The following SLC41A2 variants were observed in gnomAD, a reference collection of about 807,000 sequenced individuals.
SLC41A2 encodes the protein solute carrier family 41 member 2, also known as SLC41A1-like 1.
In SLC41A2, 32 loss-of-function variants were observed where a neutral mutation model predicts 58.3. The observed-to-expected ratio is 0.55, with a 90% CI of 0.41 to 0.74. The LOEUF (loss-of-function observed/expected upper bound fraction) is 0.74. Among genes scored for constraint, SLC41A2 ranks in the 30% least tolerant of loss-of-function variants. SLC41A2 has a pLI of 0.00. For missense variants in SLC41A2, 514 were observed against 680.6 expected (o/e 0.76, Z 2.72); for synonymous variants, 190 against 235.0 (o/e 0.81, Z 1.75).
intron 6 of SLC41A2, among the ~76,000 whole-genome samples, chr12:104,877,349 G>GAAAT (rs1467318355): frequency 5.9e-5 from 9 of 152,200 alleles, no homozygotes; most frequent in East Asian, 5.8e-4. Flanking sequence ...AGACACTTTA[G>GAAAT]AAATACCTTT....
chr12:104,877,598 T>C (rs2044112953), intron 6 of SLC41A2, among the ~76,000 whole-genome samples: 1 of 152,232 alleles, frequency 6.6e-6, no homozygotes, highest in Non-Finnish European at 1.5e-5. Flanking sequence ...CCAGTCAAAT[T>C]ATGTATGCAT....
In SLC41A2 at chr12:104,886,438, T is replaced by C; in HGVS notation, c.882A>G (p.Gly294=). 2 of 1,611,506 alleles carry C rather than the reference T, an allele frequency of 1.2e-6. No individual in the cohort carries two copies. Among genetic ancestry groups the C allele is most frequent in the South Asian group, 2.2e-5 (2 of 90,826 alleles). The change falls in exon 6 of 11, where the codon GGA becomes GGG. Residue 294 remains glycine, a splice_region_variant and synonymous_variant. Coordinates refer to ENST00000258538, the MANE Select transcript of SLC41A2 (RefSeq NM_001352171.3). Reference sequence around the variant, plus strand: ...CAACGATAACCCCAACCATTATTATTCCTAGAAGAAAGAATGTTCATTACT... The same window carrying C: ...CAACGATAACCCCAACCATTATTATCCCTAGAAGAAAGAATGTTCATTACT... ...ATAFIASLLQ[G]IIMVGVIVGS... is the part of the protein sequence containing the mutation.
chr12:104,817,313 A>T (rs961424990), intron 10 of SLC41A2, among the ~76,000 whole-genome samples: 1 of 152,220 alleles, frequency 6.6e-6, no homozygotes, highest in Non-Finnish European at 1.5e-5. Flanking sequence ...GTGAATGAGT[A>T]GTAAGTGAAT....
At chr12:104,821,212 G>T (rs2453169) in intron 10 of SLC41A2, among the ~76,000 whole-genome samples, 76,849 of 151,798 alleles carry the variant, frequency 0.51, 20,264 homozygotes, top group Middle Eastern at 0.6. Context: ...TACATATATA[G>T]AGAGAGAGTT....
intron 1 of SLC41A2, among the ~76,000 whole-genome samples, chr12:104,938,611 CTTCAG>C (rs771760602): frequency 1.3e-5 from 2 of 152,212 alleles, no homozygotes; most frequent in Non-Finnish European, 2.9e-5. Flanking sequence ...GTTGCTGCTT[CTTCAG>C]ACTGGGTCCC....
At chr12:104,888,936 T>C in intron 5 of SLC41A2, 97 bp downstream of exon 5, 1 of 1,248,934 alleles carries the variant, frequency 8.0e-7, no homozygotes, top group Non-Finnish European at 1.1e-6. Flanking sequence ...TTCTGTTGTT[T>C]TCATAACAGG....
At chr12:104,878,107 C>T (rs1027697428) in intron 6 of SLC41A2, among the ~76,000 whole-genome samples, 2 of 151,802 alleles carry the variant, frequency 1.3e-5, no homozygotes, top group African/African-American at 4.8e-5. Flanking sequence ...TCTCATAGTA[C>T]TTAATTCTGT....
At chr12:104,868,145 T>G (rs183540970) in intron 6 of SLC41A2, among the ~76,000 whole-genome samples, 1 of 152,266 alleles carries the variant, frequency 6.6e-6, no homozygotes, top group Admixed American at 6.5e-5. Context: ...AAAAAACCTT[T>G]TATTTGTTGA....
chr12:104,855,330 T>C (rs1565844236), intron 8 of SLC41A2, among the ~76,000 whole-genome samples: 1 of 152,220 alleles, frequency 6.6e-6, no homozygotes, highest in South Asian at 2.1e-4. Flanking sequence ...ATCTTTAGAT[T>C]TGTAGTGCCC....
intron 2 of SLC41A2, 119 bp from the exon 3 acceptor site, chr12:104,909,881 A>C (rs566915153): frequency 1.6e-6 from 1 of 627,242 alleles, no homozygotes; most frequent in East Asian, 2.9e-5. Context: ...TTGAATAACC[A>C]CACAGTTCAT....
At chr12:104,892,102 C>T (rs1220303561) in intron 4 of SLC41A2, among the ~76,000 whole-genome samples, 2 of 151,894 alleles carry the variant, frequency 1.3e-5, no homozygotes, top group African/African-American at 4.8e-5. Flanking sequence ...GAGCTTGAGA[C>T]CAGCCTGGCT....
intron 1 of SLC41A2, among the ~76,000 whole-genome samples, chr12:104,929,331 T>C (rs965554862): frequency 6.6e-5 from 10 of 152,334 alleles, no homozygotes; most frequent in African/African-American, 2.4e-4. Context: ...TTTAGGAATA[T>C]AAACCTTCTT....
chr12:104,912,080 G>A (rs2046112384), intron 2 of SLC41A2, among the ~76,000 whole-genome samples: 1 of 152,112 alleles, frequency 6.6e-6, no homozygotes, highest in South Asian at 2.1e-4. Flanking sequence ...ACAAACCTAA[G>A]AGATAGGTAT....
intron 6 of SLC41A2, among the ~76,000 whole-genome samples, chr12:104,880,212 G>C (rs78723172): frequency 0.015 from 2,262 of 152,128 alleles, 67 homozygotes; most frequent in African/African-American, 0.052. Context: ...AAGGAGATTT[G>C]GGGCAGATAA....
chr12:104,850,108 G>T (rs1054173829), intron 8 of SLC41A2, among the ~76,000 whole-genome samples: 1 of 152,144 alleles, frequency 6.6e-6, no homozygotes, highest in Non-Finnish European at 1.5e-5. Context: ...AAAGTTGAAA[G>T]CTTTGATGAT....
At chr12:104,885,368 T>C (rs937026200) in intron 6 of SLC41A2, among the ~76,000 whole-genome samples, 1 of 152,110 alleles carries the variant, frequency 6.6e-6, no homozygotes, top group African/African-American at 2.4e-5. Flanking sequence ...TTATTGCCTT[T>C]GGTTGGTTAA....
chr12:104,819,217 A>C (rs1337573803), intron 10 of SLC41A2, among the ~76,000 whole-genome samples: 1 of 152,222 alleles, frequency 6.6e-6, no homozygotes, highest in Non-Finnish European at 1.5e-5. Flanking sequence ...AATCAGTAAC[A>C]GATAGCAAAA....
At chr12:104,914,051 G>T (rs2046205217) in intron 2 of SLC41A2, among the ~76,000 whole-genome samples, 1 of 151,930 alleles carries the variant, frequency 6.6e-6, no homozygotes, top group Non-Finnish European at 1.5e-5. Context: ...GACAGGGCGA[G>T]ACTCTATCTC....
chr12:104,846,105 T>G (rs1042025515), intron 8 of SLC41A2, 131 bp from the exon 9 acceptor site: 16 of 867,272 alleles, frequency 1.8e-5, no homozygotes, highest in Non-Finnish European at 2.6e-5. Flanking sequence ...TCTGAAATGT[T>G]GATCTATTTA....
Sources: allele counts gnomAD v4.1 joint callset (sites outside exome capture counted in the v4.1 genomes callset), GRCh38; gene constraint gnomAD v4.1.1; transcripts MANE v1.5; gene names NCBI Gene and HGNC (gene_info 2026-07-23, HGNC 2026-07-21).